ZNF875: variants seen among roughly 807,000 people sequenced by gnomAD.
The protein encoded by ZNF875 is zinc finger protein 875.
ZNF875 carries 14 observed loss-of-function variants against 11.2 expected under a neutral mutation model. The observed-to-expected ratio is 1.26, with a 90% CI of 0.83 to 1.96. ZNF875 has a LOEUF of 1.96. Ranked by LOEUF, ZNF875 falls within the 30% of genes most tolerant of loss-of-function variation. The probability of loss-of-function intolerance (pLI) is 0.00; values close to 1 mark genes in which losing one functional copy is unlikely to be tolerated. For synonymous variants in ZNF875, 301 were observed against 281.1 expected (o/e 1.07, Z -0.71); for missense variants, 752 against 760.4 (o/e 0.99, Z 0.13).
intron 1 of ZNF875, among the ~76,000 whole-genome samples, chr19:37,318,741 T>C (rs2030616473): frequency 6.6e-6 from 1 of 152,130 alleles, no homozygotes; most frequent in Non-Finnish European, 1.5e-5. Context: ...CAGGATGGTC[T>C]CTATCTCCTG....
At chr19:37,355,543 C>T (rs138295070) in intron 4 of ZNF875, among the ~76,000 whole-genome samples, 68 of 152,216 alleles carry the variant, frequency 4.5e-4, no homozygotes, top group Middle Eastern at 3.4e-3. Flanking sequence ...CTCATATAAC[C>T]ACAGTGTGGT....
intron 4 of ZNF875, among the ~76,000 whole-genome samples, chr19:37,353,364 CAT>C (rs1427254746): frequency 2.0e-4 from 30 of 152,176 alleles, no homozygotes; most frequent in African/African-American, 6.8e-4. Context: ...GTGCTGTTGT[CAT>C]ATACATTATT....
chr19:37,336,634 C>T (rs972498139), intron 2 of ZNF875, among the ~76,000 whole-genome samples: 1 of 151,134 alleles, frequency 6.6e-6, no homozygotes, highest in African/African-American at 2.4e-5. Flanking sequence ...CTTGGCCAGG[C>T]GTGGTGGCTC....
chr19:37,313,976 C>A (rs2030072049), upstream of ZNF875, among the ~76,000 whole-genome samples: 1 of 152,102 alleles, frequency 6.6e-6, no homozygotes, highest in South Asian at 2.1e-4. Context: ...AACTCAGAGA[C>A]ACCAAAGACT....
At chr19:37,320,114 A>G (rs571933711) in intron 1 of ZNF875, among the ~76,000 whole-genome samples, 19 of 152,202 alleles carry the variant, frequency 1.2e-4, no homozygotes, top group African/African-American at 4.6e-4. Context: ...TGACTTCGTA[A>G]TCCACCCGCC....
At chr19:37,324,632 G>A (rs1411526465) in intron 4 of ZNF875, among the ~76,000 whole-genome samples, 1 of 152,142 alleles carries the variant, frequency 6.6e-6, no homozygotes, top group African/African-American at 2.4e-5. Context: ...TAACATTAAA[G>A]TACTGTTAGT....
chr19:37,319,920 T>C (rs2031034090), intron 1 of ZNF875, among the ~76,000 whole-genome samples: 1 of 152,216 alleles, frequency 6.6e-6, no homozygotes, highest in South Asian at 2.1e-4. Flanking sequence ...GGAGTCTCGC[T>C]CTGTCACCCA....
intron 4 of ZNF875, among the ~76,000 whole-genome samples, chr19:37,325,728 G>A (rs1488362004): frequency 2.0e-5 from 3 of 151,482 alleles, no homozygotes; most frequent in Non-Finnish European, 4.4e-5. Context: ...TTTTTTTAAA[G>A]GCTGGGTCTC....
At chr19:37,342,305 A>T (rs1207668560) in intron 2 of ZNF875, among the ~76,000 whole-genome samples, 1 of 151,942 alleles carries the variant, frequency 6.6e-6, no homozygotes, top group African/African-American at 2.4e-5. Flanking sequence ...GCAAGTCCTG[A>T]CTTGTCTATA....
chr19:37,323,470 G>C (rs2031880918), intron 2 of ZNF875: 1 of 152,020 alleles, frequency 6.6e-6, no homozygotes, highest in Admixed American at 6.6e-5. Flanking sequence ...TTTCTTAAGG[G>C]CTTTCCCCAA....
At chr19:37,318,197 G>A (rs1221544068) in intron 1 of ZNF875, 1 of 153,140 alleles carries the variant, frequency 6.5e-6, no homozygotes, top group Non-Finnish European at 1.5e-5. Context: ...GTAAAAACGG[G>A]ACTTTTTCAG....
At chr19:37,319,625 G>A (rs1039180160) in intron 1 of ZNF875, among the ~76,000 whole-genome samples, 1 of 151,970 alleles carries the variant, frequency 6.6e-6, no homozygotes, top group Non-Finnish European at 1.5e-5. Context: ...TTATGTGAGA[G>A]CTGTGGAAAT....
chr19:37,335,149 A>G lies in ZNF875; in HGVS notation c.-56-20A>G. 1.4e-6 allele frequency: 1 copy of G among 697,290 alleles called. No homozygotes were observed. Among genetic ancestry groups the G allele is most frequent in the Non-Finnish European group, 2.6e-6 (1 of 381,094 alleles). 43.2% of individuals were successfully genotyped at this position (697,290 alleles called of 1,614,324 possible). ...GGGTGTTTCCACCTAGGCCACTCTT[A>G]TTTCTCTTCACATCCCCAGATCTGT... On this transcript the variant is annotated intron_variant, in intron 1 of 4. Transcript: ENST00000392153.
chr19:37,331,266 G>C (rs1599921062), upstream of ZNF875, among the ~76,000 whole-genome samples: 1 of 92,926 alleles, frequency 1.1e-5, no homozygotes, highest in African/African-American at 4.3e-5. Flanking sequence ...TCTCGCTCTT[G>C]TTGCCAAGGC....
chr19:37,364,175 CT>C lies in ZNF875; in HGVS notation c.*401del, dbSNP rs1271396202. 1 of 200,930 alleles carries C rather than the reference CT, an allele frequency of 5.0e-6. No homozygotes were observed. The highest frequency in any genetic ancestry group is 2.3e-5 in the African/African-American group (1 of 42,752). 12.4% of individuals were successfully genotyped at this position (200,930 alleles called of 1,614,324 possible). ...CTGTCTTCCCATTTGGTGTGCTTTCCTCCGATTGATCCCAACCCTTCACCTA... is the reference window on the plus strand; with the variant it reads ...CTGTCTTCCCATTTGGTGTGCTTTCCCCGATTGATCCCAACCCTTCACCTA... On this transcript the variant is annotated 3_prime_UTR_variant, in exon 5 of 5. Transcript: ENST00000392153.
intron 2 of ZNF875, among the ~76,000 whole-genome samples, chr19:37,336,733 C>G (rs2145948329): frequency 6.6e-6 from 1 of 151,258 alleles, no homozygotes; most frequent in South Asian, 2.1e-4. Flanking sequence ...ACGGTGAAAC[C>G]CTGTCTCTAC....
chr19:37,334,058 A>C (rs1244148846), upstream of ZNF875, among the ~76,000 whole-genome samples: 2 of 152,116 alleles, frequency 1.3e-5, no homozygotes, highest in Non-Finnish European at 2.9e-5. Flanking sequence ...TTCAGTCTGC[A>C]TCCCCTAAAA....
chr19:37,316,699 G>A (rs140417367), upstream of ZNF875, among the ~76,000 whole-genome samples: 2,827 of 113,578 alleles, frequency 0.025, 44 homozygotes, highest in Middle Eastern at 0.073. Flanking sequence ...GTCTCACTCG[G>A]TCGCCCAGGC....
intron 2 of ZNF875, among the ~76,000 whole-genome samples, chr19:37,323,294 C>T (rs2031845230): frequency 6.6e-6 from 1 of 152,060 alleles, no homozygotes; most frequent in Non-Finnish European, 1.5e-5. Flanking sequence ...GCTGGGATTA[C>T]AGGTGCCCAC....
Sources: gnomAD v4.1 joint callset for allele counts (sites outside exome capture counted in the v4.1 genomes callset) on GRCh38, gnomAD v4.1.1 for gene constraint, MANE v1.5 for transcripts, NCBI Gene and HGNC (gene_info 2026-07-23, HGNC 2026-07-21) for gene names.